Variants in NRXN1 observed in about 807,000 individuals in gnomAD.
NRXN1 encodes the protein neurexin-1.
Under a neutral mutation model 150.9 loss-of-function variants are expected in NRXN1, and 39 were observed. The ratio of observed to expected loss-of-function variants is 0.26; its 90% confidence interval spans 0.20 to 0.34. The LOEUF is 0.34. Ranked by LOEUF, NRXN1 falls within the 10% of genes least tolerant of loss-of-function variation. The pLI, the probability that NRXN1 is intolerant of heterozygous loss-of-function variation, is 1.00. For missense variants in NRXN1, 1,815 were observed against 1,949.9 expected (o/e 0.93, Z 1.30); for synonymous variants, 924 against 757.0 (o/e 1.22, Z -3.62).
intron 18 of NRXN1, among the ~76,000 whole-genome samples, chr2:50,127,797 C>A (rs1704831613): frequency 6.6e-6 from 1 of 152,116 alleles, no homozygotes; most frequent in Admixed American, 6.6e-5. Flanking sequence ...ATAAAATACT[C>A]CTTCACATTT....
intron 5 of NRXN1, among the ~76,000 whole-genome samples, chr2:50,769,037 G>A (rs1277959495): frequency 1.8e-4 from 27 of 152,024 alleles, no homozygotes; most frequent in Admixed American, 1.8e-3. Context: ...AGTAGCAAGT[G>A]TTAACACCTC....
chr2:50,877,993 G>T (rs563104202), intron 5 of NRXN1, among the ~76,000 whole-genome samples: 7 of 151,528 alleles, frequency 4.6e-5, no homozygotes, highest in African/African-American at 1.2e-4. Flanking sequence ...CACCTCTAAT[G>T]TTAGATTCCA....
At chr2:50,938,954 A>T (rs1688962967) in intron 2 of NRXN1, among the ~76,000 whole-genome samples, 1 of 152,098 alleles carries the variant, frequency 6.6e-6, no homozygotes, top group South Asian at 2.1e-4. Context: ...GCTCATGCCT[A>T]TAATCCCTGC....
intron 5 of NRXN1, among the ~76,000 whole-genome samples, chr2:50,734,519 G>A (rs567432698): frequency 1.1e-4 from 17 of 152,104 alleles, no homozygotes; most frequent in African/African-American, 4.1e-4. Flanking sequence ...TTTTTGTTAG[G>A]TGTGAAGATA....
chr2:50,429,187 AG>A (rs1233629286), intron 17 of NRXN1, among the ~76,000 whole-genome samples: 5 of 152,218 alleles, frequency 3.3e-5, no homozygotes, highest in African/African-American at 1.2e-4. Flanking sequence ...CTAACCTGAG[AG>A]GTTGTTAAAA....
At chr2:50,106,626 T>A (rs1701681749) in intron 18 of NRXN1, among the ~76,000 whole-genome samples, 1 of 151,966 alleles carries the variant, frequency 6.6e-6, no homozygotes, top group South Asian at 2.1e-4. Flanking sequence ...ACATTAAGCT[T>A]TTGATAAACT....
intron 5 of NRXN1, among the ~76,000 whole-genome samples, chr2:50,636,017 C>T (rs1353796505): frequency 6.6e-6 from 1 of 152,140 alleles, no homozygotes; most frequent in Admixed American, 6.5e-5. Flanking sequence ...TTTAAAATCA[C>T]TACTCAGCAA....
chr2:50,414,353 TATACTGACAAAAAA>T (rs1271707931), intron 17 of NRXN1, among the ~76,000 whole-genome samples: 1 of 141,870 alleles, frequency 7.0e-6, no homozygotes, highest in African/African-American at 2.9e-5. Flanking sequence ...ATACCTACTA[TATACTGACAAAAAA>T]ATTATAAAAA....
At chr2:50,083,588 A>G (rs1197405288) in intron 19 of NRXN1, among the ~76,000 whole-genome samples, 1 of 152,152 alleles carries the variant, frequency 6.6e-6, no homozygotes, top group African/African-American at 2.4e-5. Context: ...CACAACACGC[A>G]AGAGGACCCC....
intron 5 of NRXN1, among the ~76,000 whole-genome samples, chr2:50,663,128 T>C (rs970539771): frequency 4.6e-5 from 7 of 152,038 alleles, no homozygotes; most frequent in African/African-American, 1.7e-4. Context: ...CTTCGCAGTG[T>C]TTCCCAGGGC....
intron 8 of NRXN1, among the ~76,000 whole-genome samples, chr2:50,601,459 T>C (rs762161270): frequency 1.3e-5 from 2 of 152,330 alleles, no homozygotes; most frequent in East Asian, 3.9e-4. Flanking sequence ...AATTATGTCA[T>C]TCGAGTTATC....
At chr2:50,087,160 G>T (rs1409799979) in intron 19 of NRXN1, among the ~76,000 whole-genome samples, 3 of 152,034 alleles carry the variant, frequency 2.0e-5, no homozygotes, top group South Asian at 2.1e-4. Context: ...ATCTTATTCA[G>T]AAATTAGCCA....
At position 50,346,768 on chromosome 2, in the gene NRXN1, TG is replaced by T; in HGVS notation, c.3365-109799del. On this transcript the variant is annotated intron_variant, in intron 17 of 22. Coordinates refer to ENST00000401669, the MANE Select transcript of NRXN1 (RefSeq NM_001330078.2). The surrounding 1 kb of genome is among the most constrained non-coding windows in gnomAD (Gnocchi z 5.0). ...ATGATGCTTGCTGCTGCCATGGAAA[TG>T]GTGGATGTGGTGCGCTCCCAAACTG... The T allele has an allele frequency of 6.2e-7, 1 of 1,613,600 alleles. No homozygotes were observed. Among genetic ancestry groups the T allele is most frequent in the Non-Finnish European group, 8.5e-7 (1 of 1,179,892 alleles).
At chr2:50,638,865 G>C (rs1683620680) in intron 5 of NRXN1, among the ~76,000 whole-genome samples, 1 of 152,076 alleles carries the variant, frequency 6.6e-6, no homozygotes, top group African/African-American at 2.4e-5. Context: ...AAGTTAAAGA[G>C]ATCTTCCATT....
At chr2:50,829,538 A>G (rs1313417934) in intron 5 of NRXN1, 10 of 1,610,842 alleles carry the variant, frequency 6.2e-6, no homozygotes, top group Middle Eastern at 2.2e-4. Context: ...TGGCCTTATA[A>G]GGGATCTTAG....
At chr2:50,856,028 T>C (rs1341422387) in intron 5 of NRXN1, among the ~76,000 whole-genome samples, 1 of 151,264 alleles carries the variant, frequency 6.6e-6, no homozygotes, top group Admixed American at 6.6e-5. Flanking sequence ...GAGTAGCCTT[T>C]TTTTTTTTTT....
At chr2:50,239,615 T>C (rs973988166) in intron 17 of NRXN1, among the ~76,000 whole-genome samples, 53 of 135,248 alleles carry the variant, frequency 3.9e-4, no homozygotes, top group African/African-American at 1.4e-3. Flanking sequence ...GCAAACTTGG[T>C]TAATTGGCAG....
At chr2:50,080,480 T>C (rs1235343299) in intron 19 of NRXN1, among the ~76,000 whole-genome samples, 1 of 152,128 alleles carries the variant, frequency 6.6e-6, no homozygotes, top group Non-Finnish European at 1.5e-5. Flanking sequence ...GTTATATTGA[T>C]AGCAATTTTT....
At chr2:50,482,285 T>C (rs577120140) in intron 15 of NRXN1, among the ~76,000 whole-genome samples, 89 of 152,266 alleles carry the variant, frequency 5.8e-4, no homozygotes, top group African/African-American at 2.0e-3. Flanking sequence ...ACCCACTCTA[T>C]GCCAGTAACA....
Sources: allele counts gnomAD v4.1 joint callset (sites outside exome capture counted in the v4.1 genomes callset), GRCh38; gene constraint gnomAD v4.1.1; non-coding constraint Gnocchi (gnomAD v3.1); transcripts MANE v1.5; gene names NCBI Gene and HGNC (gene_info 2026-07-23, HGNC 2026-07-21).